The following CHLSN variants were observed in gnomAD, a reference collection of about 807,000 sequenced individuals.
The protein encoded by CHLSN is protein cholesin.
chr7:1,079,021 G>A, the CHLSN span, among the ~76,000 whole-genome samples: 2 of 150,814 alleles, frequency 1.3e-5, no homozygotes. Flanking sequence ...GTGAATGGCC[G>A]GCTGAGGAGG....
the CHLSN span, among the ~76,000 whole-genome samples, chr7:1,130,199 G>A: frequency 4.6e-5 from 7 of 152,354 alleles, no homozygotes; most frequent in East Asian, 1.9e-4. Flanking sequence ...AGAACACCAC[G>A]CCAGGACGGA....
the CHLSN span, among the ~76,000 whole-genome samples, chr7:1,061,249 C>T: frequency 6.6e-6 from 1 of 152,156 alleles, no homozygotes; most frequent in South Asian, 2.1e-4. Context: ...CTCATCCCAC[C>T]CTGCTGGGTG....
the CHLSN span, chr7:1,109,552 C>T: frequency 6.6e-6 from 1 of 152,294 alleles, no homozygotes; most frequent in African/African-American, 2.4e-5. Context: ...CACGCAGTCG[C>T]TCCACACCCT....
At chr7:1,002,270 G>A in the CHLSN span, among the ~76,000 whole-genome samples, 611 of 91,450 alleles carry the variant, frequency 6.7e-3, 7 homozygotes, top group Non-Finnish European at 9.8e-3. Flanking sequence ...GGTGAGTGGA[G>A]CCCTGTGGGT....
chr7:1,072,023 CAG>C, the CHLSN span, among the ~76,000 whole-genome samples: 14 of 152,206 alleles, frequency 9.2e-5, no homozygotes, highest in African/African-American at 2.4e-4. Context: ...CCCAGCCACA[CAG>C]GGGAAGAGCG....
At chr7:1,112,822 G>T in the CHLSN span, among the ~76,000 whole-genome samples, 7 of 152,082 alleles carry the variant, frequency 4.6e-5, no homozygotes, top group African/African-American at 1.7e-4. Flanking sequence ...CTGGAGAAGC[G>T]CAGCGGCTTC....
the CHLSN span, among the ~76,000 whole-genome samples, chr7:1,116,332 C>T: frequency 8.5e-5 from 12 of 141,146 alleles, no homozygotes; most frequent in South Asian, 2.3e-4. Context: ...CCATCACCAA[C>T]GCCCATGCAG....
chr7:1,084,037 A>T, the CHLSN span, among the ~76,000 whole-genome samples: 1 of 152,252 alleles, frequency 6.6e-6, no homozygotes, highest in East Asian at 1.9e-4. Context: ...AAGACATGGC[A>T]AGTCTGTCTG....
At chr7:1,021,239 G>C in the CHLSN span, 4 of 350,710 alleles carry the variant, frequency 1.1e-5, no homozygotes, top group Non-Finnish European at 1.6e-5. Context: ...CCCAGGTTGG[G>C]AACCTCCAGG....
the CHLSN span, chr7:987,472 C>T: frequency 6.4e-7 from 1 of 1,560,476 alleles, no homozygotes; most frequent in Non-Finnish European, 8.6e-7. Context: ...CACGCTCCTG[C>T]CGCACGTGCC....
At chr7:1,059,662 G>A in the CHLSN span, among the ~76,000 whole-genome samples, 1 of 114,532 alleles carries the variant, frequency 8.7e-6, no homozygotes, top group Admixed American at 8.8e-5. Context: ...TAGGGGGGCG[G>A]GTCCATAGTG....
the CHLSN span, among the ~76,000 whole-genome samples, chr7:1,007,746 G>A: frequency 2.0e-5 from 3 of 152,166 alleles, no homozygotes; most frequent in East Asian, 1.9e-4. Context: ...AGGACTTGCC[G>A]CTGGGGGGTT....
At chr7:1,022,494 C>A in the CHLSN span, among the ~76,000 whole-genome samples, 2 of 152,192 alleles carry the variant, frequency 1.3e-5, no homozygotes, top group East Asian at 3.8e-4. Flanking sequence ...TTAAATTAAG[C>A]CTTTTATTTT....
At chr7:1,127,653 A>ATCTCGGCT in the CHLSN span, among the ~76,000 whole-genome samples, 1 of 46,664 alleles carries the variant, frequency 2.1e-5, no homozygotes, top group African/African-American at 5.5e-5. Flanking sequence ...GTGCAGTGGC[A>ATCTCGGCT]CAATCTCGGC....
At chr7:1,097,740 C>G in the CHLSN span, among the ~76,000 whole-genome samples, 1 of 152,170 alleles carries the variant, frequency 6.6e-6, no homozygotes, top group Non-Finnish European at 1.5e-5. This position sits in a 1 kb window ranked among gnomAD's most constrained non-coding sequence, Gnocchi z 4.3. Context: ...CAGCCCCTCG[C>G]TGGGTGATCA....
chr7:1,081,231 G>A, the CHLSN span, among the ~76,000 whole-genome samples: 2 of 152,228 alleles, frequency 1.3e-5, no homozygotes, highest in African/African-American at 2.4e-5. Context: ...GGCCGGGTGG[G>A]GGTGAGCTAA....
At chr7:1,105,508 A>AG in the CHLSN span, among the ~76,000 whole-genome samples, 1 of 152,264 alleles carries the variant, frequency 6.6e-6, no homozygotes, top group Non-Finnish European at 1.5e-5. Flanking sequence ...CTCACTCCAC[A>AG]GATTACTGTG....
chr7:1,064,380 T>G, the CHLSN span, among the ~76,000 whole-genome samples: 1 of 152,162 alleles, frequency 6.6e-6, no homozygotes, highest in East Asian at 1.9e-4. Flanking sequence ...CTTACCTTGC[T>G]CCAGGGACTC....
the CHLSN span, among the ~76,000 whole-genome samples, chr7:1,016,134 C>T: frequency 7.0e-5 from 7 of 100,546 alleles, no homozygotes; most frequent in African/African-American, 3.0e-4. Flanking sequence ...CAGCAGCACA[C>T]GCCAGCACAC....
Sources: gnomAD v4.1 joint callset for allele counts (sites outside exome capture counted in the v4.1 genomes callset) on GRCh38, gnomAD v4.1.1 for gene constraint, Gnocchi (gnomAD v3.1) non-coding constraint, MANE v1.5 for transcripts, NCBI Gene and HGNC (gene_info 2026-07-23, HGNC 2026-07-21) for gene names.